Variants in RRP12 observed in about 807,000 individuals in gnomAD.
RRP12 encodes the protein RRP12-like protein.
A neutral mutation model predicts 157.3 loss-of-function variants in RRP12; 78 were observed. That is an observed-to-expected ratio of 0.50 (90% confidence interval 0.41 to 0.60). The LOEUF is 0.60. RRP12 is among the 20% of genes least tolerant of loss of function. RRP12 has a pLI of 0.00. For synonymous variants in RRP12, 726 were observed against 670.9 expected (o/e 1.08, Z -1.27); for missense variants, 1,521 against 1,679.9 (o/e 0.91, Z 1.65).
intron 24 of RRP12, among the ~76,000 whole-genome samples, 155 bp downstream of exon 24, chr10:97,370,012 C>A (rs551699167): frequency 6.6e-6 from 1 of 152,336 alleles, no homozygotes; most frequent in Admixed American, 6.5e-5. Flanking sequence ...CAGCGACCCG[C>A]AGGAAGGGAG....
In RRP12 at chr10:97,366,152, T is replaced by G. The variant is rs767746847; in HGVS notation, c.3473A>C (p.Glu1158Ala). 3 of 1,608,014 alleles carry G rather than the reference T, an allele frequency of 1.9e-6. No homozygotes were observed. The Middle Eastern group carries it at 5.0e-4, about 265-fold the overall frequency. The change falls in exon 29 of 34, where the codon GAG becomes GCG. Residue 1158 changes from glutamate to alanine, a missense_variant. Glu to Ala is a moderately radical substitution (Grantham distance 107). Coordinates refer to ENST00000370992, the MANE Select transcript of RRP12 (RefSeq NM_015179.4). ...VSADGRLIIR[E>A]EADGNKMEEE... is the part of the protein sequence containing the mutation. ...CTCCATCTTGTTGCCGTCTGCCTCC[T>G]CCCTTATGATCAGCCGGCCATCGGC... is the stretch of plus-strand genomic sequence containing the variant.
At chr10:97,379,017 G>T (rs1337527811) in intron 15 of RRP12, among the ~76,000 whole-genome samples, 1 of 152,264 alleles carries the variant, frequency 6.6e-6, no homozygotes, top group African/African-American at 2.4e-5. Flanking sequence ...GATCCAAAGG[G>T]GAAGAACAAG....
Position 97,371,479 on chromosome 10 carries a change from G to A in RRP12, c.2344-398C>T, listed in dbSNP as rs141617636. ...TCACACTCCCCCAACCCCCAACGCC[G>A]GACACCTTTCCTGAGGTGACGTGGC... On this transcript the variant is annotated intron_variant, in intron 20 of 33. Coordinates refer to ENST00000370992, the MANE Select transcript of RRP12 (RefSeq NM_015179.4). 391 of 227,168 alleles carry A rather than the reference G, an allele frequency of 1.7e-3. 1 individual carries two copies. Among genetic ancestry groups the A allele is most frequent in the Non-Finnish European group, 2.8e-3 (314 of 113,294 alleles). The allele number at this position is 227,168 out of a possible 1,614,324, so 14.1% of individuals were successfully genotyped here. A position where few individuals can be genotyped will look rare whatever the true frequency, so the allele number is the denominator to read the frequency against.
chr10:97,390,043 AG>A (rs1467455044), intron 6 of RRP12, among the ~76,000 whole-genome samples: 26 of 152,306 alleles, frequency 1.7e-4, no homozygotes, highest in African/African-American at 4.3e-4. Flanking sequence ...CAGGAAGTTG[AG>A]GCTCAGAGAG....
chr10:97,366,278 T>C (rs1208200100), intron 28 of RRP12, 45 bp from the exon 29 acceptor site: 1 of 1,604,912 alleles, frequency 6.2e-7, no homozygotes. Context: ...GCCAGTCCCA[T>C]GCTACTCACC....
rs1332603746 is a variant in RRP12, at chr10:97,366,855, G to A, written c.3102C>T (p.Asn1034=). The change falls in exon 27 of 34, where the codon AAC becomes AAT. Residue 1034 remains asparagine (N), a synonymous_variant. Transcript: ENST00000370992. ...LPEEYHRVLV[N]IRKAEARAKR... Reference sequence around the variant, plus strand: ...TGGCCCGGGCCTCAGCTTTCCGGATGTTGACCAGGACTCTGTGGTACTCCT... The same window carrying A: ...TGGCCCGGGCCTCAGCTTTCCGGATATTGACCAGGACTCTGTGGTACTCCT... 4 of 1,614,184 alleles carry A rather than the reference G, an allele frequency of 2.5e-6. No homozygotes were observed. The highest frequency in any genetic ancestry group is 1.6e-4 in the Middle Eastern group (1 of 6,062).
rs377488371 is a variant in RRP12, at chr10:97,370,949, G to T, written c.2476C>A (p.Arg826=). 1.2e-6 allele frequency: 2 copies of T among 1,613,970 alleles called. No homozygotes were observed. The highest frequency in any genetic ancestry group is 1.7e-6 in the Non-Finnish European group (2 of 1,179,972). The part of the protein sequence containing the change: ...DLKKTLLDSL[R]STSSPAKRPR... ...CTCTTGGCGGGTGAGGAGGTGCTCCGCAGCGAGTCCAGCAGTGTCTTCTTC... is the reference window on the plus strand; with the variant it reads ...CTCTTGGCGGGTGAGGAGGTGCTCCTCAGCGAGTCCAGCAGTGTCTTCTTC... The change falls in exon 21 of 34, where the codon CGG becomes AGG. Residue 826 remains arginine (R), a synonymous_variant. Coordinates refer to ENST00000370992, the MANE Select transcript of RRP12 (RefSeq NM_015179.4).
At chr10:97,382,486 TATAAC>T (rs1243256655) in intron 10 of RRP12, among the ~76,000 whole-genome samples, 2 of 152,310 alleles carry the variant, frequency 1.3e-5, no homozygotes, top group Non-Finnish European at 2.9e-5. Flanking sequence ...CAATCACTGA[TATAAC>T]ATACATTCAT....
intron 24 of RRP12, 35 bp from the exon 25 acceptor site, chr10:97,369,617 C>T (rs1349372534): frequency 2.6e-6 from 4 of 1,543,828 alleles, no homozygotes; most frequent in Non-Finnish European, 2.6e-6. Context: ...CTAAGACACC[C>T]AGGACCCCAC....
rs549265648 is a variant in RRP12 at position 97,358,982 on chromosome 10, C to A, written c.3669G>T (p.Val1223=). ...CAGCCCCAGGCATAGCCTTCTTGGCCACAGGGCGATGAATGCCAGAGCCTC... is the reference window on the plus strand; with the variant it reads ...CAGCCCCAGGCATAGCCTTCTTGGCAACAGGGCGATGAATGCCAGAGCCTC... The part of the protein sequence containing the change: ...QAGGSGIHRP[V]AKKAMPGAEY... Residue 1223 remains valine (V), a synonymous_variant, in exon 32 of 34, where the codon GTG becomes GTT. Transcript: ENST00000370992. 6.2e-7 allele frequency: 1 copy of A among 1,613,944 alleles called. No homozygotes were observed. The highest frequency in any genetic ancestry group is 1.7e-5 in the Admixed American group (1 of 60,010).
chr10:97,363,995 GGGCCACCAACTCC>G, intron 29 of RRP12, 92 bp from the exon 30 acceptor site: 4 of 1,145,098 alleles, frequency 3.5e-6, no homozygotes, highest in Non-Finnish European at 5.3e-6. Flanking sequence ...CCAGGCTGCG[GGGCCACCAACTCC>G]GGCCCCAGAA....
Position 97,370,555 on chromosome 10 carries a change from G to A in RRP12, c.2589C>T (p.Ile863=). Residue 863 remains isoleucine (I), a synonymous_variant, in exon 23 of 34, where the codon ATC becomes ATT. Coordinates refer to ENST00000370992, the MANE Select transcript of RRP12 (RefSeq NM_015179.4). ...CCACCGACACCTCCTTGGTGCACAG[G>A]ATCACCTGGCCAAGACAACTCCATC... The part of the protein sequence containing the change: ...EFITALIPEV[I]LCTKEVSVGA... The A allele has an allele frequency of 1.2e-6, 2 of 1,610,140 alleles. No homozygotes were observed. The highest frequency in any genetic ancestry group is 1.7e-6 in the Non-Finnish European group (2 of 1,178,336).
intron 3 of RRP12, among the ~76,000 whole-genome samples, chr10:97,396,005 A>C (rs2133099673): frequency 6.6e-6 from 1 of 152,284 alleles, no homozygotes; most frequent in African/African-American, 2.4e-5. Flanking sequence ...GTCTCTTTAA[A>C]AAAAAGAAAC....
intron 4 of RRP12, among the ~76,000 whole-genome samples, chr10:97,392,576 T>C (rs982792318): frequency 6.6e-6 from 1 of 151,950 alleles, no homozygotes; most frequent in Non-Finnish European, 1.5e-5. Context: ...CTCCAACTCC[T>C]GGCCGCAAGC....
chr10:97,390,512 G>T lies in RRP12; in HGVS notation c.664C>A (p.Arg222=), dbSNP rs369103845. 1 of 1,613,864 alleles carries T rather than the reference G, an allele frequency of 6.2e-7. No homozygotes were observed. Among genetic ancestry groups the T allele is most frequent in the South Asian group, 1.1e-5 (1 of 91,080 alleles). The part of the protein sequence containing the change: ...WVLSCLATLL[R]KQDLEAWGYP... ...CCCCAGGCCTCCAGGTCTTGCTTCC[G>T]CAGAAGGGTGGCCAGGCAGGAAAGG... The change falls in exon 6 of 34, where the codon CGG becomes AGG. Residue 222 remains arginine, a synonymous_variant. Transcript: ENST00000370992.
rs1290385399 is a variant in RRP12 at position 97,373,087 on chromosome 10, G to A, written c.2140C>T (p.Leu714=). Residue 714 remains leucine (L), a synonymous_variant, in exon 18 of 34, where the codon CTG becomes TTG. Coordinates refer to ENST00000370992, the MANE Select transcript of RRP12 (RefSeq NM_015179.4). The part of the protein sequence containing the change: ...GDTPAPRRAV[L]ETIRTYLTIT... Reference sequence around the variant, plus strand: ...GTGAGGTAAGTTCTGATGGTTTCCAGCACAGCCCGGCGAGGGGCTGGAGTG... The same window carrying A: ...GTGAGGTAAGTTCTGATGGTTTCCAACACAGCCCGGCGAGGGGCTGGAGTG... 1 of 1,614,026 alleles carries A rather than the reference G, an allele frequency of 6.2e-7. No homozygotes were observed. The highest frequency in any genetic ancestry group is 2.2e-5 in the East Asian group (1 of 44,892).
chr10:97,385,000 C>A (rs1368125110), intron 10 of RRP12, among the ~76,000 whole-genome samples, 166 bp downstream of exon 10: 1 of 145,292 alleles, frequency 6.9e-6, no homozygotes, highest in African/African-American at 2.5e-5. Context: ...CCCTGAGGAA[C>A]CCCCACCTTG....
chr10:97,393,838 G>T, intron 3 of RRP12, 78 bp from the exon 4 acceptor site: 1 of 1,200,656 alleles, frequency 8.3e-7, no homozygotes, highest in Non-Finnish European at 1.2e-6. Context: ...GGGAACATGT[G>T]CCCAGCAGAA....
intron 20 of RRP12, 172 bp from the exon 21 acceptor site, chr10:97,371,253 C>A (rs1451256758): frequency 5.8e-6 from 4 of 692,552 alleles, no homozygotes; most frequent in Non-Finnish European, 9.7e-6. Flanking sequence ...CTGGGCGAGG[C>A]ACAGGGGTTG....
Sources: gnomAD v4.1 joint callset for allele counts (sites outside exome capture counted in the v4.1 genomes callset) on GRCh38, gnomAD v4.1.1 for gene constraint, MANE v1.5 for transcripts, NCBI Gene and HGNC (gene_info 2026-07-23, HGNC 2026-07-21) for gene names.